The following SERGEF variants were observed in gnomAD, a reference collection of about 807,000 sequenced individuals.
The protein encoded by SERGEF is secretion-regulating guanine nucleotide exchange factor.
Under a neutral mutation model 50.0 loss-of-function variants are expected in SERGEF, and 51 were observed. The ratio of observed to expected loss-of-function variants is 1.02; its 90% confidence interval spans 0.81 to 1.29. SERGEF has a LOEUF of 1.29. Among genes scored for constraint, SERGEF ranks in the 50% most tolerant of loss-of-function variants. SERGEF has a pLI of 0.00. For missense variants in SERGEF, 521 were observed against 557.0 expected (o/e 0.94, Z 0.65); for synonymous variants, 205 against 212.4 (o/e 0.97, Z 0.30).
chr11:17,814,475 T>C (rs909773055), intron 10 of SERGEF, among the ~76,000 whole-genome samples: 2 of 152,242 alleles, frequency 1.3e-5, no homozygotes, highest in African/African-American at 4.8e-5. Flanking sequence ...ACTCTCTCTT[T>C]ATCTTTCTCC....
Position 17,905,496 on chromosome 11 carries a change from C to G in SERGEF, c.1012-27252G>C, listed in dbSNP as rs538499045. 5.8e-4 allele frequency among the ~76,000 whole-genome samples: 88 copies of G among 152,334 alleles called. 1 individual carries two copies. In the South Asian group the frequency reaches 0.018, roughly 31 times the overall value. ...TGCTGAACAACCAGCACTGGCTGAA[C>G]CAGGCTTAGTCTGAGGAGGAAGGAT... On this transcript the variant is annotated intron_variant, in intron 9 of 10. Coordinates refer to ENST00000265965, the MANE Select transcript of SERGEF (RefSeq NM_012139.4).
chr11:17,927,512 AG>A (rs1852274361), intron 9 of SERGEF, among the ~76,000 whole-genome samples: 1 of 152,218 alleles, frequency 6.6e-6, no homozygotes, highest in South Asian at 2.1e-4. Context: ...ACAACACAGA[AG>A]GAAAATGATG....
chr11:17,994,002 TA>T (rs1853775383), intron 6 of SERGEF, among the ~76,000 whole-genome samples: 1 of 152,058 alleles, frequency 6.6e-6, no homozygotes, highest in South Asian at 2.1e-4. Flanking sequence ...TGAAATAAAA[TA>T]AAAAACATTT....
intron 2 of SERGEF, among the ~76,000 whole-genome samples, chr11:18,007,413 T>C (rs948836720): frequency 3.3e-5 from 5 of 152,186 alleles, no homozygotes; most frequent in African/African-American, 1.2e-4. Flanking sequence ...CAAGGCCACA[T>C]AGATAATAAG....
In SERGEF at chr11:18,000,817, C is replaced by T. The variant is rs1404796613; in HGVS notation, c.448-260G>A. 3 of 626,474 alleles carry T rather than the reference C, an allele frequency of 4.8e-6. No individual in the cohort carries two copies. In the East Asian group the frequency reaches 1.0e-4, roughly 21 times the overall value. The allele number at this position is 626,474 out of a possible 1,614,324, so 38.8% of individuals were successfully genotyped here. On this transcript the variant is annotated intron_variant, in intron 4 of 10. Transcript: ENST00000265965. ...GGAGGCACTTCTAAGGTCATCTAGT[C>T]CAAGAGTTAGTAAATGTTTTCTGTA...
chr11:17,965,438 C>A lies in SERGEF; in HGVS notation c.845-5802G>T, dbSNP rs145624409. ...CAGCCTCCATACTGGTTCCCTTTGTCCCCAGCTATCTCTACTACCCTGACC... is the reference window on the plus strand; with the variant it reads ...CAGCCTCCATACTGGTTCCCTTTGTACCCAGCTATCTCTACTACCCTGACC... On this transcript the variant is annotated intron_variant, in intron 8 of 10. Coordinates refer to ENST00000265965, the MANE Select transcript of SERGEF (RefSeq NM_012139.4). Among the ~76,000 whole-genome samples, 4 of 152,290 alleles carry A rather than the reference C, an allele frequency of 2.6e-5. No homozygotes were observed. In the East Asian group the frequency reaches 7.7e-4, roughly 29 times the overall value.
intron 9 of SERGEF, among the ~76,000 whole-genome samples, chr11:17,894,402 G>T (rs1019084842): frequency 6.6e-6 from 1 of 152,168 alleles, no homozygotes; most frequent in Non-Finnish European, 1.5e-5. Flanking sequence ...AAATAGGATG[G>T]TTAAATACCT....
intron 10 of SERGEF, among the ~76,000 whole-genome samples, chr11:17,813,850 G>A (rs1849916804): frequency 6.6e-6 from 1 of 152,256 alleles, no homozygotes; most frequent in South Asian, 2.1e-4. Flanking sequence ...CTGGAGCACA[G>A]GTTCAATGGA....
intron 9 of SERGEF, among the ~76,000 whole-genome samples, chr11:17,954,145 G>T (rs571866660): frequency 6.6e-6 from 1 of 152,282 alleles, no homozygotes; most frequent in African/African-American, 2.4e-5. Context: ...GATGCTGTGG[G>T]TACTTACCAG....
intron 9 of SERGEF, among the ~76,000 whole-genome samples, chr11:17,889,046 G>T (rs1450555766): frequency 6.6e-6 from 1 of 152,202 alleles, no homozygotes; most frequent in Non-Finnish European, 1.5e-5. Flanking sequence ...GCAATAGATA[G>T]ATAGGGAAGC....
chr11:17,795,121 C>T (rs745622223), intron 10 of SERGEF, among the ~76,000 whole-genome samples: 22 of 152,278 alleles, frequency 1.4e-4, no homozygotes, highest in South Asian at 4.1e-4. Flanking sequence ...ACCAGGCTGA[C>T]GGAGAGGAGG....
chr11:17,809,170 G>C (rs1022945517), intron 10 of SERGEF, among the ~76,000 whole-genome samples: 4 of 152,178 alleles, frequency 2.6e-5, no homozygotes, highest in African/African-American at 4.8e-5. Flanking sequence ...AGGGAAGAAA[G>C]AGCATTCTAA....
At chr11:17,930,805 G>A (rs544227432) in intron 9 of SERGEF, among the ~76,000 whole-genome samples, 174 of 152,194 alleles carry the variant, frequency 1.1e-3, no homozygotes, top group Non-Finnish European at 2.1e-3. Flanking sequence ...TCTGTAAATC[G>A]AAGGGATTAG....
At chr11:17,944,719 G>A (rs766726719) in intron 9 of SERGEF, among the ~76,000 whole-genome samples, 1 of 152,146 alleles carries the variant, frequency 6.6e-6, no homozygotes, top group African/African-American at 2.4e-5. Flanking sequence ...CACAGATCCC[G>A]CATGAAAAAC....
At chr11:17,818,189 G>A (rs1007845217) in intron 10 of SERGEF, among the ~76,000 whole-genome samples, 1 of 152,060 alleles carries the variant, frequency 6.6e-6, no homozygotes, top group East Asian at 1.9e-4. Flanking sequence ...AGTGAGACAC[G>A]GGAAACAGCA....
At chr11:17,864,720 C>G (rs1850990547) in intron 10 of SERGEF, among the ~76,000 whole-genome samples, 1 of 152,178 alleles carries the variant, frequency 6.6e-6, no homozygotes, top group African/African-American at 2.4e-5. Flanking sequence ...CTGCCTTTAG[C>G]TGCTGTCTCC....
intron 8 of SERGEF, among the ~76,000 whole-genome samples, chr11:17,976,400 C>T (rs1472628772): frequency 1.3e-5 from 2 of 151,816 alleles, no homozygotes; most frequent in African/African-American, 4.8e-5. Flanking sequence ...ATTCTCTTGC[C>T]TCAGCCTCCC....
chr11:17,910,195 T>A (rs978157590), intron 9 of SERGEF, among the ~76,000 whole-genome samples: 61 of 147,270 alleles, frequency 4.1e-4, no homozygotes, highest in East Asian at 3.0e-3. Context: ...ACACACACAC[T>A]CTCTCTCTCT....
At chr11:17,918,127 T>C (rs1852082431) in intron 9 of SERGEF, among the ~76,000 whole-genome samples, 2 of 152,200 alleles carry the variant, frequency 1.3e-5, no homozygotes, top group South Asian at 4.1e-4. Flanking sequence ...CATCTCTGTA[T>C]GACCCGAAGT....
Sources: allele counts gnomAD v4.1 joint callset (sites outside exome capture counted in the v4.1 genomes callset), GRCh38; gene constraint gnomAD v4.1.1; transcripts MANE v1.5; gene names NCBI Gene and HGNC (gene_info 2026-07-23, HGNC 2026-07-21).